The following DPP10 variants were observed in gnomAD, a reference collection of about 807,000 sequenced individuals.
The protein encoded by DPP10 is dipeptidyl peptidase like 10.
In DPP10, 33 loss-of-function variants were observed where a neutral mutation model predicts 120.9. The ratio of observed to expected loss-of-function variants is 0.27; its 90% CI spans 0.21 to 0.37. The LOEUF is 0.37. Among genes scored for constraint, DPP10 ranks in the 10% least tolerant of loss-of-function variants. The probability of loss-of-function intolerance (pLI) is 1.00; values close to 1 mark genes in which losing one functional copy is unlikely to be tolerated. For missense variants in DPP10, 816 were observed against 942.8 expected (o/e 0.87, Z 1.76); for synonymous variants, 337 against 326.1 (o/e 1.03, Z -0.36).
intron 1 of DPP10, among the ~76,000 whole-genome samples, chr2:114,486,728 G>A (rs1313924649): frequency 6.6e-6 from 1 of 151,888 alleles, no homozygotes; most frequent in East Asian, 1.9e-4. Flanking sequence ...GAAAATATTT[G>A]TGATAATGCA....
intron 1 of DPP10, among the ~76,000 whole-genome samples, chr2:114,882,972 A>C (rs1691768648): frequency 6.6e-6 from 1 of 152,226 alleles, no homozygotes; most frequent in Admixed American, 6.5e-5. Context: ...CAGTTGTAAA[A>C]TGTCAAATTT....
At chr2:114,659,328 A>ATT (rs34905999) in intron 1 of DPP10, among the ~76,000 whole-genome samples, 30,374 of 150,344 alleles carry the variant, frequency 0.2, 3,954 homozygotes, top group African/African-American at 0.35. Context: ...ATAGCAAGCA[A>ATT]TTTTTTTTTT....
intron 24 of DPP10, among the ~76,000 whole-genome samples, chr2:115,838,322 G>T (rs1392098389): frequency 6.6e-6 from 1 of 152,124 alleles, no homozygotes; most frequent in Non-Finnish European, 1.5e-5. Flanking sequence ...TAGCAATTAT[G>T]TACTCATTGT....
At chr2:115,135,297 C>G (rs1573741590) in intron 1 of DPP10, among the ~76,000 whole-genome samples, 2 of 152,078 alleles carry the variant, frequency 1.3e-5, no homozygotes, top group Non-Finnish European at 2.9e-5. Context: ...CTACTTCCTT[C>G]TGCATTGCTT....
chr2:114,941,634 G>A (rs1197654993), intron 1 of DPP10, among the ~76,000 whole-genome samples: 2 of 152,144 alleles, frequency 1.3e-5, no homozygotes, highest in African/African-American at 2.4e-5. Flanking sequence ...CCTGAAAGTT[G>A]CCGTATTGCA....
chr2:115,615,151 G>GA lies in DPP10; in HGVS notation c.442-74526dup, dbSNP rs1404195032. Among the ~76,000 whole-genome samples, 141 of 145,984 alleles carry GA rather than the reference G, an allele frequency of 9.7e-4. 1 individual carries two copies. Among genetic ancestry groups the GA allele is most frequent in the Admixed American group, 2.7e-3 (40 of 14,666 alleles). On this transcript the variant is annotated intron_variant, in intron 5 of 25. Coordinates refer to ENST00000410059, the MANE Select transcript of DPP10 (RefSeq NM_020868.6). ...TTAATTCCAGAATGTCATTACAGAGGAAAAAAAAAAGCTTGATTAGCTGAG... is the reference window on the plus strand; with the variant it reads ...TTAATTCCAGAATGTCATTACAGAGGAAAAAAAAAAAGCTTGATTAGCTGAG...
chr2:115,728,398 CA>C (rs1206777606), intron 8 of DPP10, among the ~76,000 whole-genome samples: 1 of 151,762 alleles, frequency 6.6e-6, no homozygotes, highest in Non-Finnish European at 1.5e-5. Flanking sequence ...ATAAAACCCA[CA>C]TAAAGAGTTA....
chr2:114,752,212 C>G (rs144335391), intron 1 of DPP10, among the ~76,000 whole-genome samples: 49 of 152,276 alleles, frequency 3.2e-4, no homozygotes, highest in African/African-American at 1.1e-3. Flanking sequence ...GGTTGCTGCC[C>G]CTTCCCCTGC....
chr2:115,350,698 T>C (rs1231220171), intron 3 of DPP10, among the ~76,000 whole-genome samples: 2 of 152,138 alleles, frequency 1.3e-5, no homozygotes, highest in African/African-American at 2.4e-5. Context: ...TGGATTCTTA[T>C]AACAGCAGTT....
chr2:115,287,011 G>A (rs7562421), intron 1 of DPP10, among the ~76,000 whole-genome samples: 28,641 of 151,918 alleles, frequency 0.19, 3,002 homozygotes, highest in East Asian at 0.35. Flanking sequence ...TTCAAAAGGT[G>A]TACATTTATG....
At chr2:115,152,981 TACC>T (rs995110104) in intron 1 of DPP10, among the ~76,000 whole-genome samples, 1 of 152,142 alleles carries the variant, frequency 6.6e-6, no homozygotes, top group Non-Finnish European at 1.5e-5. Flanking sequence ...TCTCCTCAAG[TACC>T]ATGGGAGGGG....
At chr2:115,648,241 C>G (rs569924267) in intron 5 of DPP10, among the ~76,000 whole-genome samples, 1 of 151,982 alleles carries the variant, frequency 6.6e-6, no homozygotes, top group Admixed American at 6.6e-5. Context: ...AGAGTAGAAT[C>G]GTAGTTACCA....
chr2:114,740,431 A>G (rs1677922786), intron 1 of DPP10, among the ~76,000 whole-genome samples: 1 of 149,980 alleles, frequency 6.7e-6, no homozygotes. Flanking sequence ...TGGGTGCAGC[A>G]CACCAGCATG....
chr2:115,478,329 G>A (rs2075220901), intron 3 of DPP10, among the ~76,000 whole-genome samples: 2 of 152,176 alleles, frequency 1.3e-5, no homozygotes, highest in Admixed American at 6.5e-5. Flanking sequence ...TTCAACAAAT[G>A]TCATTGGGAA....
Position 115,843,376 on chromosome 2 carries a change from T to C in DPP10, c.*1031T>C, listed in dbSNP as rs1263984771. 1 of 152,636 alleles carries C rather than the reference T, an allele frequency of 6.6e-6. No homozygotes were observed. The highest frequency in any genetic ancestry group is 1.5e-5 in the Non-Finnish European group (1 of 68,034). The allele number at this position is 152,636 out of a possible 1,614,324, so 9.5% of individuals were successfully genotyped here. On this transcript the variant is annotated 3_prime_UTR_variant, in exon 26 of 26. Coordinates refer to ENST00000410059, the MANE Select transcript of DPP10 (RefSeq NM_020868.6). ...TGCTCTTTTGGTGGAGAAGGCTTTT[T>C]TCAAAACTCTTGGTCCTTTTACTTC...
chr2:115,415,841 T>TTATACATATA lies in DPP10; in HGVS notation c.271+71933_271+71934insCATATATATA, dbSNP rs1553592808. ...ATCTGTCTTTATACCTGATTTGCTTTTATATATATATATATATATATATAT... is the reference window on the plus strand; with the variant it reads ...ATCTGTCTTTATACCTGATTTGCTTTTATACATATATATATATATATATATATATATATAT... On this transcript the variant is annotated intron_variant, in intron 3 of 25. Transcript: ENST00000410059. Among the ~76,000 whole-genome samples, 3 of 74,296 alleles carry TTATACATATA rather than the reference T, an allele frequency of 4.0e-5. No homozygotes were observed. In the Admixed American group the frequency reaches 4.6e-4, roughly 11 times the overall value. 48.7% of individuals were successfully genotyped at this position (74,296 alleles called of 152,430 possible).
chr2:115,573,717 A>C (rs1473547146), intron 5 of DPP10, among the ~76,000 whole-genome samples: 2 of 146,504 alleles, frequency 1.4e-5, no homozygotes, highest in South Asian at 2.2e-4. Context: ...CACCATGCCC[A>C]GCTGATCTTT....
intron 5 of DPP10, among the ~76,000 whole-genome samples, chr2:115,588,969 A>T (rs2082459014): frequency 6.6e-6 from 1 of 152,220 alleles, no homozygotes; most frequent in African/African-American, 2.4e-5. Flanking sequence ...ATTGAATAAA[A>T]TAAATTATTA....
chr2:114,692,062 G>T (rs1699785148), intron 1 of DPP10, among the ~76,000 whole-genome samples: 3 of 151,858 alleles, frequency 2.0e-5, no homozygotes, highest in South Asian at 4.1e-4. Context: ...TTTTTGAAGG[G>T]TTTTTTGTGT....
Sources: allele counts gnomAD v4.1 joint callset (sites outside exome capture counted in the v4.1 genomes callset), GRCh38; gene constraint gnomAD v4.1.1; transcripts MANE v1.5; gene names NCBI Gene and HGNC (gene_info 2026-07-23, HGNC 2026-07-21).